AXDND1: variants seen among roughly 807,000 people sequenced by gnomAD.
The protein encoded by AXDND1 is axonemal dynein light chain domain-containing protein 1.
Under a neutral mutation model 137.5 loss-of-function variants are expected in AXDND1, and 110 were observed. That is an observed-to-expected ratio of 0.80 (90% CI 0.69 to 0.94). AXDND1 has a LOEUF of 0.94. Ranked by LOEUF, AXDND1 falls within the 40% of genes least tolerant of loss-of-function variation. The probability of loss-of-function intolerance (pLI) is 0.00; values close to 1 mark genes in which losing one functional copy is unlikely to be tolerated. For missense variants in AXDND1, 1,191 were observed against 1,169.8 expected, an observed-to-expected ratio of 1.02 and a Z score of -0.26; for synonymous variants, 414 against 399.7, an observed-to-expected ratio of 1.04 and a Z score of -0.43.
intron 9 of AXDND1, among the ~76,000 whole-genome samples, chr1:179,392,163 A>T (rs1235068878): frequency 1.3e-5 from 2 of 152,184 alleles, no homozygotes; most frequent in African/African-American, 4.8e-5. Context: ...AGTCCATTAT[A>T]TCATTCTTAT....
At position 179,509,351 on chromosome 1, in the gene AXDND1, G is replaced by A; in HGVS notation, c.2444G>A (p.Gly815Asp). Residue 815 changes from glycine (G) to aspartate (D), a missense_variant, in exon 21 of 26, where the codon GGC becomes GAC. Gly to Asp is a moderately conservative substitution (Grantham distance 94). Transcript: ENST00000367618. ...TCTTGCCTCCTTTCTAATATCAAAG[G>A]CAGAAAAATTACATTATTGACATAT... The part of the protein sequence containing the change: ...TCSCLLSNIK[G>D]RKITLLTYEE... 6.2e-7 allele frequency: 1 copy of A among 1,612,834 alleles called. No homozygotes were observed. Among genetic ancestry groups the A allele is most frequent in the Non-Finnish European group, 8.5e-7 (1 of 1,179,116 alleles).
chr1:179,401,032 GT>G (rs1651951846), intron 11 of AXDND1, among the ~76,000 whole-genome samples: 1 of 151,848 alleles, frequency 6.6e-6, no homozygotes, highest in Non-Finnish European at 1.5e-5. Flanking sequence ...GTCAAAGCGG[GT>G]GGATCAGCTG....
intron 25 of AXDND1, among the ~76,000 whole-genome samples, chr1:179,542,910 G>T (rs1672302043): frequency 6.6e-6 from 1 of 152,138 alleles, no homozygotes; most frequent in Non-Finnish European, 1.5e-5. Flanking sequence ...GAGACGCCTT[G>T]CAAAGCTCAG....
At chr1:179,480,048 A>T (rs1297134812) in intron 17 of AXDND1, among the ~76,000 whole-genome samples, 1 of 152,108 alleles carries the variant, frequency 6.6e-6, no homozygotes, top group Non-Finnish European at 1.5e-5. Flanking sequence ...ATTGTTCCAC[A>T]TTTTCCTGTC....
chr1:179,508,583 A>G (rs1463666578), intron 20 of AXDND1, among the ~76,000 whole-genome samples: 2 of 152,144 alleles, frequency 1.3e-5, no homozygotes, highest in Non-Finnish European at 2.9e-5. Context: ...TGGTAAATAC[A>G]GTTTAACTAT....
intron 4 of AXDND1, among the ~76,000 whole-genome samples, chr1:179,371,723 A>AG (rs1457885855): frequency 6.6e-6 from 1 of 152,212 alleles, no homozygotes; most frequent in Admixed American, 6.5e-5. Flanking sequence ...CAGAGAGATG[A>AG]GAAAGGAAGA....
intron 16 of AXDND1, among the ~76,000 whole-genome samples, chr1:179,463,502 A>G (rs1034312478): frequency 6.6e-6 from 1 of 152,102 alleles, no homozygotes; most frequent in African/African-American, 2.4e-5. Flanking sequence ...TATAATTTCT[A>G]TTCTTTTTCA....
intron 4 of AXDND1, among the ~76,000 whole-genome samples, chr1:179,374,132 G>GA (rs1028461815): frequency 6.6e-6 from 1 of 151,884 alleles, no homozygotes; most frequent in African/African-American, 2.4e-5. Context: ...AAATTTACAA[G>GA]AAAAAAACAA....
rs544966634 is a variant in AXDND1 at position 179,367,134 on chromosome 1, A to G, written c.97+528A>G. ...TTACTCTGGAGGCTGAGGCAAGAGA[A>G]TCGCTTGAACCCAGGAGGTGAGGTT... is the stretch of plus-strand genomic sequence containing the variant. On this transcript the variant is annotated intron_variant, in intron 2 of 25. Transcript: ENST00000367618. 3.6e-3 allele frequency among the ~76,000 whole-genome samples: 548 copies of G among 151,962 alleles called. 4 individuals are homozygous for G. The highest frequency in any genetic ancestry group is 0.012 in the African/African-American group (513 of 41,338).
At chr1:179,550,762 A>C (rs1044995892) in intron 25 of AXDND1, 2 of 269,624 alleles carry the variant, frequency 7.4e-6, no homozygotes, top group Non-Finnish European at 1.4e-5. Context: ...GAAGAGCAAT[A>C]GAGTGTGACA....
At chr1:179,402,593 T>C (rs1278055194) in intron 11 of AXDND1, among the ~76,000 whole-genome samples, 1 of 152,226 alleles carries the variant, frequency 6.6e-6, no homozygotes, top group East Asian at 1.9e-4. Context: ...CTTCTCTTTT[T>C]TGCATCATTA....
intron 9 of AXDND1, among the ~76,000 whole-genome samples, chr1:179,386,050 CTTT>C (rs71111980): frequency 4.9e-5 from 5 of 102,416 alleles, no homozygotes; most frequent in Admixed American, 1.1e-4. Context: ...GGATTTTTTC[CTTT>C]TTTTTTTTTT....
intron 20 of AXDND1, among the ~76,000 whole-genome samples, chr1:179,504,940 C>G (rs754143889): frequency 6.6e-6 from 1 of 152,174 alleles, no homozygotes. Flanking sequence ...TGAGGCCTCT[C>G]AAGGGTATAT....
rs1450229405 is a variant in AXDND1, at chr1:179,445,164, A to G, written c.1758A>G (p.Lys586=). The G allele has an allele frequency of 2.5e-6, 4 of 1,608,866 alleles. No individual in the cohort carries two copies. In the East Asian group the frequency reaches 8.9e-5, roughly 36 times the overall value. Residue 586 remains lysine, a synonymous_variant, in exon 16 of 26, where the codon AAA becomes AAG. Transcript: ENST00000367618. ...AGGAAATTATCAAAAACATACAAAA[A>G]CTCTACAAAGAATATGAAATAAGAA... The part of the protein sequence containing the change: ...YMEEIIKNIQ[K]LYKEYEIRIN...
rs200985964 is a variant in AXDND1 at position 179,491,689 on chromosome 1, C to T, written c.2243C>T (p.Ala748Val). ...GGAGTTGCGCGATTGGAGCTAGATG[C>T]GATTGAACTGACAAGGAAGTTGTAC... ...DIGVARLELD[A>V]IELTRKLYQY... is the part of the protein sequence containing the mutation. The change falls in exon 19 of 26, where the codon GCG becomes GTG. Residue 748 changes from alanine (A) to valine (V), a missense_variant. Transcript: ENST00000367618. 128 of 1,601,322 alleles carry T rather than the reference C, an allele frequency of 8.0e-5. No homozygotes were observed. Among genetic ancestry groups the T allele is most frequent in the Non-Finnish European group, 2.3e-5 (27 of 1,175,480 alleles).
chr1:179,401,915 T>G (rs942251896), intron 11 of AXDND1, among the ~76,000 whole-genome samples: 1 of 152,156 alleles, frequency 6.6e-6, no homozygotes, highest in Non-Finnish European at 1.5e-5. Flanking sequence ...GGCTCAAGCC[T>G]GTAATCCCAG....
At position 179,489,146 on chromosome 1, in the gene AXDND1, T is replaced by A. The variant is rs1332485878; in HGVS notation, c.2092-2392T>A. Among the ~76,000 whole-genome samples the A allele has an allele frequency of 1.6e-5, 2 of 125,744 alleles. 1 individual carries two copies. Among genetic ancestry groups the A allele is most frequent in the African/African-American group, 7.1e-5 (2 of 28,272 alleles). 82.5% of individuals were successfully genotyped at this position (125,744 alleles called of 152,430 possible). On this transcript the variant is annotated intron_variant, in intron 18 of 25. Coordinates refer to ENST00000367618, the MANE Select transcript of AXDND1 (RefSeq NM_144696.6). The stretch of plus-strand genomic sequence containing the variant: ...CAAAAGAAAAGCAGTCAATTCATCT[T>A]AAAATGTCTTTTAAGAATTTTATAT...
chr1:179,464,934 G>T (rs1358335630), intron 16 of AXDND1, among the ~76,000 whole-genome samples: 1 of 152,056 alleles, frequency 6.6e-6, no homozygotes, highest in Admixed American at 6.6e-5. Flanking sequence ...CATGCATCAC[G>T]TAGTTCTTAT....
chr1:179,395,042 A>G, intron 10 of AXDND1, 56 bp from the exon 11 acceptor site: 1 of 1,473,948 alleles, frequency 6.8e-7, no homozygotes, highest in Non-Finnish European at 9.3e-7. Flanking sequence ...TTTTCTTGGT[A>G]GAAACTTTTT....
Sources: gnomAD v4.1 joint callset for allele counts (sites outside exome capture counted in the v4.1 genomes callset) on GRCh38, gnomAD v4.1.1 for gene constraint, MANE v1.5 for transcripts, NCBI Gene and HGNC (gene_info 2026-07-23, HGNC 2026-07-21) for gene names.